Variants in CSMD1 observed in about 807,000 individuals in gnomAD.
CSMD1 encodes CUB and sushi domain-containing protein 1.
Under a neutral mutation model 417.5 loss-of-function variants are expected in CSMD1, and 213 were observed. That is an observed-to-expected ratio of 0.51 (90% confidence interval 0.46 to 0.57). The LOEUF is 0.57. Ranked by LOEUF, CSMD1 falls within the 20% of genes least tolerant of loss-of-function variation. The probability of loss-of-function intolerance (pLI) is 0.00; values close to 1 mark genes in which losing one functional copy is unlikely to be tolerated. For missense variants in CSMD1, 6,923 were observed against 4,529.7 expected (o/e 1.53, Z -15.17); for synonymous variants, 2,862 against 1,736.8 (o/e 1.65, Z -16.11).
intron 42 of CSMD1, among the ~76,000 whole-genome samples, chr8:3,117,490 A>T (rs931983732): frequency 2.6e-5 from 4 of 152,258 alleles, no homozygotes; most frequent in African/African-American, 9.6e-5. Context: ...ACAAGTGCTT[A>T]GCATTTCAAA....
intron 2 of CSMD1, among the ~76,000 whole-genome samples, chr8:4,456,341 G>C (rs985170578): frequency 1.3e-5 from 2 of 152,124 alleles, no homozygotes; most frequent in African/African-American, 4.8e-5. Context: ...TCATAGAGCA[G>C]GAACATGTTG....
chr8:4,704,826 C>G (rs1175385947), intron 1 of CSMD1, among the ~76,000 whole-genome samples: 1 of 152,170 alleles, frequency 6.6e-6, no homozygotes, highest in Admixed American at 6.5e-5. Flanking sequence ...GTGCTTCCTA[C>G]TGCATCTCTA....
At chr8:4,373,799 A>G (rs1802546517) in intron 3 of CSMD1, among the ~76,000 whole-genome samples, 1 of 152,158 alleles carries the variant, frequency 6.6e-6, no homozygotes, top group African/African-American at 2.4e-5. Context: ...TAAATTTGTT[A>G]TAGTCGTCAA....
chr8:4,339,338 G>A (rs904904108), intron 3 of CSMD1, among the ~76,000 whole-genome samples: 1 of 152,020 alleles, frequency 6.6e-6, no homozygotes, highest in Non-Finnish European at 1.5e-5. Context: ...AGCTATGCTG[G>A]CAGATTCATC....
intron 20 of CSMD1, among the ~76,000 whole-genome samples, chr8:3,360,524 G>C (rs1222401621): frequency 3.9e-5 from 6 of 152,152 alleles, no homozygotes; most frequent in Non-Finnish European, 8.8e-5. Context: ...GCCCAGTTTT[G>C]TCAGATAGTA....
chr8:4,301,394 G>T (rs1414956567), intron 3 of CSMD1, among the ~76,000 whole-genome samples: 2 of 152,110 alleles, frequency 1.3e-5, no homozygotes, highest in African/African-American at 2.4e-5. Context: ...CTTTGATTCT[G>T]TTGTGTCTCC....
At chr8:3,387,404 C>T (rs1271043346) in intron 18 of CSMD1, 90 bp downstream of exon 18, 1 of 1,083,114 alleles carries the variant, frequency 9.2e-7, no homozygotes, top group Non-Finnish European at 1.3e-6. Flanking sequence ...AGGTACCACC[C>T]CCTGAAATAC....
At chr8:3,914,976 G>C (rs1378220662) in intron 5 of CSMD1, among the ~76,000 whole-genome samples, 1 of 152,292 alleles carries the variant, frequency 6.6e-6, no homozygotes, top group East Asian at 1.9e-4. Flanking sequence ...TGTGATGAAA[G>C]CTGAACGGAA....
intron 3 of CSMD1, among the ~76,000 whole-genome samples, chr8:4,240,983 A>G (rs1377304070): frequency 6.6e-6 from 1 of 152,152 alleles, no homozygotes; most frequent in African/African-American, 2.4e-5. Flanking sequence ...CTGTTCAATT[A>G]TTTCCAGCCA....
chr8:4,516,409 G>C (rs1306335591), intron 2 of CSMD1, among the ~76,000 whole-genome samples: 2 of 152,148 alleles, frequency 1.3e-5, no homozygotes, highest in Admixed American at 6.5e-5. Flanking sequence ...CAGACTCCAA[G>C]CTGCTGGTGT....
intron 3 of CSMD1, among the ~76,000 whole-genome samples, chr8:4,348,748 T>TA (rs1800921819): frequency 6.6e-6 from 1 of 152,108 alleles, no homozygotes; most frequent in Non-Finnish European, 1.5e-5. Context: ...GACCGTGAGT[T>TA]AAAATTGTAG....
At chr8:4,958,539 T>C (rs962542819) in intron 1 of CSMD1, among the ~76,000 whole-genome samples, 6 of 152,196 alleles carry the variant, frequency 3.9e-5, no homozygotes, top group African/African-American at 1.4e-4. Context: ...CCACAGTTAA[T>C]TTATAAGCTC....
chr8:3,938,687 G>A (rs1810669627), intron 5 of CSMD1, among the ~76,000 whole-genome samples: 1 of 152,126 alleles, frequency 6.6e-6, no homozygotes, highest in African/African-American at 2.4e-5. Flanking sequence ...TTGAATGGCA[G>A]GAGTTGACTC....
chr8:3,991,630 G>C (rs186561710), intron 5 of CSMD1, among the ~76,000 whole-genome samples: 20 of 152,342 alleles, frequency 1.3e-4, no homozygotes, highest in East Asian at 3.9e-4. Context: ...CAAATTAGAA[G>C]TGGAGGGCAC....
chr8:3,689,433 T>C (rs960091017), intron 7 of CSMD1, among the ~76,000 whole-genome samples: 1 of 152,182 alleles, frequency 6.6e-6, no homozygotes, highest in Admixed American at 6.5e-5. Flanking sequence ...AATGGCGGGA[T>C]AGTTAGAAGT....
intron 3 of CSMD1, among the ~76,000 whole-genome samples, chr8:4,319,229 C>T (rs780139049): frequency 6.6e-6 from 1 of 152,136 alleles, no homozygotes; most frequent in Non-Finnish European, 1.5e-5. Context: ...GACCCTAAAT[C>T]CTGACAGTCA....
At chr8:3,786,150 C>A (rs1478695499) in intron 5 of CSMD1, among the ~76,000 whole-genome samples, 1 of 152,146 alleles carries the variant, frequency 6.6e-6, no homozygotes, top group Non-Finnish European at 1.5e-5. Context: ...AAACAGGACA[C>A]AGAGGAGCAC....
chr8:3,778,708 G>A lies in CSMD1; in HGVS notation c.819-24666C>T, dbSNP rs192750504. Among the ~76,000 whole-genome samples the A allele has an allele frequency of 1.7e-3, 255 of 152,268 alleles. 3 individuals carry two copies. The highest frequency in any genetic ancestry group is 5.9e-4 in the Non-Finnish European group (40 of 68,026). On this transcript the variant is annotated intron_variant, in intron 5 of 69. Transcript: ENST00000635120. ...CAGAGCTGGCCAAAGATCATCTTCC[G>A]AGCACCGCTTCCTTTCTGCAGGGCC... is the stretch of plus-strand genomic sequence containing the variant.
intron 10 of CSMD1, among the ~76,000 whole-genome samples, chr8:3,516,128 A>G (rs528330566): frequency 5.9e-5 from 9 of 152,360 alleles, no homozygotes; most frequent in South Asian, 4.1e-4. Context: ...GAGGAGGAAC[A>G]GAATGTAAAT....
Sources: gnomAD v4.1 joint callset for allele counts (sites outside exome capture counted in the v4.1 genomes callset) on GRCh38, gnomAD v4.1.1 for gene constraint, MANE v1.5 for transcripts, NCBI Gene and HGNC (gene_info 2026-07-23, HGNC 2026-07-21) for gene names.